Variants in SNX8 observed in about 807,000 individuals in gnomAD.
The protein encoded by SNX8 is sorting nexin-8.
Under a neutral mutation model 51.6 loss-of-function variants are expected in SNX8, and 25 were observed. The observed-to-expected ratio is 0.48, with a 90% CI of 0.35 to 0.68. The LOEUF is 0.68. SNX8 is among the 30% of genes least tolerant of loss of function. The pLI is 0.00. For synonymous variants in SNX8, 324 were observed against 277.0 expected, an observed-to-expected ratio of 1.17 and a Z score of -1.68; for missense variants, 695 against 624.0, an observed-to-expected ratio of 1.11 and a Z score of -1.21.
chr7:2,259,499 GACAC>G (rs1194807705), intron 7 of SNX8, among the ~76,000 whole-genome samples: 12 of 152,190 alleles, frequency 7.9e-5, no homozygotes. Context: ...AGTTTTACGG[GACAC>G]AGCCCTGGAA....
chr7:2,280,122 T>A (rs1401835812), intron 1 of SNX8, among the ~76,000 whole-genome samples: 1 of 152,138 alleles, frequency 6.6e-6, no homozygotes, highest in African/African-American at 2.4e-5. Context: ...CCCAACCACA[T>A]GCACGGAAGA....
intron 1 of SNX8, among the ~76,000 whole-genome samples, chr7:2,326,502 A>G (rs951996347): frequency 1.3e-5 from 2 of 151,498 alleles, no homozygotes; most frequent in East Asian, 2.0e-4. Context: ...CGTCTCTACT[A>G]AAAATACAAA....
intron 1 of SNX8, among the ~76,000 whole-genome samples, chr7:2,304,715 GGAAGGCTAACCGTGCAC>G (rs1414997926): frequency 6.6e-6 from 1 of 152,278 alleles, no homozygotes; most frequent in East Asian, 1.9e-4. Flanking sequence ...AGCCAAGGAA[GGAAGGCTAACCGTGCAC>G]ATGCCGTCCT....
chr7:2,324,583 G>A (rs1778593838), intron 1 of SNX8, among the ~76,000 whole-genome samples: 1 of 151,832 alleles, frequency 6.6e-6, no homozygotes, highest in African/African-American at 2.4e-5. Context: ...GAGCCACTGT[G>A]ACTGACCTAT....
intron 1 of SNX8, among the ~76,000 whole-genome samples, chr7:2,327,852 T>C (rs1778654629): frequency 1.3e-5 from 2 of 151,638 alleles, no homozygotes; most frequent in South Asian, 4.2e-4. Context: ...CAGCATTTTC[T>C]TTTTCTTATT....
intron 1 of SNX8, among the ~76,000 whole-genome samples, chr7:2,336,792 A>G (rs1347344451): frequency 1.3e-5 from 2 of 151,854 alleles, no homozygotes; most frequent in Non-Finnish European, 2.9e-5. Context: ...AGATCATTTG[A>G]GGTCAGAAGT....
At chr7:2,340,725 C>T (rs368137452) in intron 1 of SNX8, among the ~76,000 whole-genome samples, 130 of 151,324 alleles carry the variant, frequency 8.6e-4, no homozygotes, top group African/African-American at 3.0e-3. Context: ...GACACAGTGG[C>T]GTATGTGTGT....
Position 2,271,891 on chromosome 7 carries a change from C to G in SNX8, c.499G>C (p.Glu167Gln), listed in dbSNP as rs747898901. ...AGGAAGAGCTTGAGGACCACATCCT[C>G]GGAGAACAGGGGGTGTCGCGCCACC... Reference protein sequence around the residue: ...NLVARHPLFSEDVVLKLFLSF... With the variant: ...NLVARHPLFSQDVVLKLFLSF... Residue 167 changes from glutamate (E) to glutamine (Q), a missense_variant, in exon 4 of 11, where the codon GAG (glutamate) becomes CAG (glutamine). Transcript: ENST00000222990. 2 of 1,613,510 alleles carry G rather than the reference C, an allele frequency of 1.2e-6. No individual in the cohort carries two copies. Among genetic ancestry groups the G allele is most frequent in the Non-Finnish European group, 1.7e-6 (2 of 1,179,820 alleles).
chr7:2,271,078 C>CT (rs1422714541), intron 4 of SNX8, among the ~76,000 whole-genome samples: 6 of 152,218 alleles, frequency 3.9e-5, no homozygotes, highest in African/African-American at 1.4e-4. Context: ...GGGTCTCACT[C>CT]TGTCGCCCAG....
intron 1 of SNX8, chr7:2,337,056 G>T (rs1778844882): frequency 6.6e-6 from 1 of 151,594 alleles, no homozygotes; most frequent in Non-Finnish European, 1.5e-5. Flanking sequence ...TATTGTGGAG[G>T]AGGGCGTGGG....
At chr7:2,297,994 TA>T (rs1398018354) in intron 1 of SNX8, among the ~76,000 whole-genome samples, 3 of 151,964 alleles carry the variant, frequency 2.0e-5, no homozygotes, top group Non-Finnish European at 4.4e-5. Flanking sequence ...ACAATTCATC[TA>T]CATAACCAAA....
intron 7 of SNX8, among the ~76,000 whole-genome samples, chr7:2,260,438 T>C (rs932027663): frequency 6.6e-5 from 10 of 152,128 alleles, no homozygotes; most frequent in Admixed American, 2.6e-4. Flanking sequence ...AAAGCTGTCC[T>C]GGGCCACACG....
intron 4 of SNX8, 33 bp from the exon 5 acceptor site, chr7:2,269,672 T>C (rs771749051): frequency 6.7e-7 from 1 of 1,485,306 alleles, no homozygotes; most frequent in Admixed American, 2.0e-5. Flanking sequence ...TTCACCCTCT[T>C]CTACTAGCAG....
chr7:2,300,943 C>T (rs1371427530), intron 1 of SNX8, among the ~76,000 whole-genome samples: 1 of 152,040 alleles, frequency 6.6e-6, no homozygotes, highest in Non-Finnish European at 1.5e-5. Context: ...GTGCCCAGCC[C>T]CTGTTGTGGA....
chr7:2,306,559 T>G (rs746988956), intron 1 of SNX8, among the ~76,000 whole-genome samples: 4 of 152,174 alleles, frequency 2.6e-5, no homozygotes, highest in Non-Finnish European at 5.9e-5. Flanking sequence ...AATGCACTAT[T>G]ATACAGACAC....
rs1165362134 is a variant in SNX8 at position 2,263,348 on chromosome 7, T to C, written c.797A>G (p.Asp266Gly). ...FGKELSAIGS[D>G]TTPLPSWAAL... is the part of the protein sequence containing the mutation. ...GGCCCAGGAGGGCAGCGGGGTCGTG[T>C]CAGACCCTATTGCACTGAGGGAGCA... The change falls in exon 7 of 11, where the codon GAC (aspartate) becomes GGC (glycine). Residue 266 changes from aspartate (D) to glycine (G), a missense_variant. Transcript: ENST00000222990. The C allele has an allele frequency of 6.2e-7, 1 of 1,604,690 alleles. No homozygotes were observed. Among genetic ancestry groups the C allele is most frequent in the Admixed American group, 1.7e-5 (1 of 58,062 alleles).
intron 1 of SNX8, among the ~76,000 whole-genome samples, chr7:2,313,028 G>A (rs1438220575): frequency 6.6e-6 from 1 of 152,068 alleles, no homozygotes; most frequent in Non-Finnish European, 1.5e-5. Flanking sequence ...CTCCCGAGTA[G>A]CTGGGACTAC....
chr7:2,273,632 G>T (rs1241755388), intron 3 of SNX8, among the ~76,000 whole-genome samples: 5 of 140,744 alleles, frequency 3.6e-5, no homozygotes, highest in Non-Finnish European at 7.7e-5. Flanking sequence ...GGCCAGGTGC[G>T]GTGGCTCACA....
At chr7:2,277,210 G>A (rs1204254298) in intron 2 of SNX8, among the ~76,000 whole-genome samples, 1 of 152,200 alleles carries the variant, frequency 6.6e-6, no homozygotes, top group African/African-American at 2.4e-5. Flanking sequence ...TAATGGAACT[G>A]AGACAACGAA....
Sources: allele counts gnomAD v4.1 joint callset (sites outside exome capture counted in the v4.1 genomes callset), GRCh38; gene constraint gnomAD v4.1.1; transcripts MANE v1.5; gene names NCBI Gene and HGNC (gene_info 2026-07-23, HGNC 2026-07-21).